The following FANK1 variants were observed in gnomAD, a reference collection of about 807,000 sequenced individuals.
FANK1 encodes fibronectin type 3 and ankyrin repeat domains protein 1.
FANK1 carries 44 observed loss-of-function variants against 45.3 expected under a neutral mutation model. The ratio of observed to expected loss-of-function variants is 0.97; its 90% CI spans 0.76 to 1.25. FANK1 has a LOEUF of 1.25. Ranked by LOEUF, FANK1 falls within the 50% of genes most tolerant of loss-of-function variation. The pLI, the probability that FANK1 is intolerant of heterozygous loss-of-function variation, is 0.00. For missense variants in FANK1, 391 were observed against 424.4 expected (o/e 0.92, Z 0.69); for synonymous variants, 149 against 152.5 (o/e 0.98, Z 0.17).
At chr10:125,956,991 C>T (rs1047545414) in intron 1 of FANK1, among the ~76,000 whole-genome samples, 18 of 152,058 alleles carry the variant, frequency 1.2e-4, no homozygotes, top group African/African-American at 3.1e-4. Flanking sequence ...AATAGCTAGC[C>T]GGGACTACAG....
chr10:125,955,064 C>T (rs923347181), intron 1 of FANK1, among the ~76,000 whole-genome samples: 1 of 151,606 alleles, frequency 6.6e-6, no homozygotes, highest in Non-Finnish European at 1.5e-5. Flanking sequence ...TTTGCTCCAC[C>T]AAGAATATCT....
At chr10:125,956,225 T>G (rs1356461871) in intron 1 of FANK1, among the ~76,000 whole-genome samples, 579 of 105,742 alleles carry the variant, frequency 5.5e-3, no homozygotes, top group Admixed American at 5.7e-3. Context: ...GTGGTGGGGG[T>G]AAAGGGAGGA....
chr10:125,936,202 C>G (rs1169544344), intron 1 of FANK1, among the ~76,000 whole-genome samples: 1 of 152,184 alleles, frequency 6.6e-6, no homozygotes, highest in Non-Finnish European at 1.5e-5. Context: ...TAGCTTGACA[C>G]TTTTGAATCT....
intron 2 of FANK1, among the ~76,000 whole-genome samples, chr10:125,984,671 G>C (rs1295805163): frequency 2.0e-5 from 3 of 152,182 alleles, no homozygotes; most frequent in African/African-American, 7.2e-5. Flanking sequence ...TTGGAATTCT[G>C]GGGGAGGGAG....
Position 125,936,707 on chromosome 10 carries a change from A to G in FANK1, c.13+40052A>G, listed in dbSNP as rs75429234. 7.6e-3 allele frequency among the ~76,000 whole-genome samples: 1,160 copies of G among 152,326 alleles called. 4 individuals carry two copies. Among genetic ancestry groups the G allele is most frequent in the Non-Finnish European group, 0.011 (733 of 68,024 alleles). ...TCTTTCTCATTGCTGTTCCATTAAT[A>G]TAGCACCATTTATTTATTCCAGTAT... On this transcript the variant is annotated intron_variant, in intron 1 of 10. Transcript: ENST00000368693.
Position 125,980,144 on chromosome 10 carries a change from G to A in FANK1, c.14-17G>A. ...TGGAAACTGGGTCCTGAAGTTCGGTGTCATTCTTTTTTTTAGAAATCATGC... is the reference window on the plus strand; with the variant it reads ...TGGAAACTGGGTCCTGAAGTTCGGTATCATTCTTTTTTTTAGAAATCATGC... On this transcript the variant is annotated splice_polypyrimidine_tract_variant and intron_variant, in intron 1 of 10. Transcript: ENST00000368693. 1 of 1,606,450 alleles carries A rather than the reference G, an allele frequency of 6.2e-7. No homozygotes were observed. The highest frequency in any genetic ancestry group is 8.5e-7 in the Non-Finnish European group (1 of 1,177,190).
intron 1 of FANK1, among the ~76,000 whole-genome samples, chr10:125,949,820 C>T (rs35849748): frequency 0.01 from 1,487 of 148,496 alleles, 27 homozygotes; most frequent in Non-Finnish European, 0.014. Context: ...CAATCCTAAG[C>T]CAAAAGAACA....
chr10:125,939,019 C>T (rs751312342), intron 1 of FANK1, among the ~76,000 whole-genome samples: 1 of 152,148 alleles, frequency 6.6e-6, no homozygotes, highest in Non-Finnish European at 1.5e-5. Context: ...CATCACATGC[C>T]ACCTGATATG....
At chr10:125,932,582 C>T (rs995194088) in intron 1 of FANK1, among the ~76,000 whole-genome samples, 4 of 152,104 alleles carry the variant, frequency 2.6e-5, no homozygotes, top group Non-Finnish European at 5.9e-5. Flanking sequence ...GAAAAACTTG[C>T]TGAATTCTTT....
intron 1 of FANK1, among the ~76,000 whole-genome samples, chr10:125,964,750 G>A (rs1950117776): frequency 6.6e-6 from 1 of 152,186 alleles, no homozygotes; most frequent in African/African-American, 2.4e-5. Context: ...CCTAGGAGTG[G>A]AATTGCAGGA....
At chr10:125,949,535 T>C (rs546945885) in intron 1 of FANK1, among the ~76,000 whole-genome samples, 14 of 151,604 alleles carry the variant, frequency 9.2e-5, no homozygotes, top group African/African-American at 2.9e-4. Context: ...GAGAATAAAA[T>C]ACCTAGGAAT....
chr10:125,971,531 C>T (rs1950512795), intron 1 of FANK1, among the ~76,000 whole-genome samples: 1 of 151,868 alleles, frequency 6.6e-6, no homozygotes, highest in Admixed American at 6.6e-5. Flanking sequence ...TAAAAATTTC[C>T]TTGGGGTTCA....
intron 3 of FANK1, chr10:125,994,408 G>A (rs1486778221): frequency 1.0e-6 from 1 of 985,192 alleles, no homozygotes; most frequent in Non-Finnish European, 1.2e-6. Flanking sequence ...AGACCTTTGA[G>A]GTTTTTTTAG....
intron 1 of FANK1, among the ~76,000 whole-genome samples, chr10:125,951,271 A>G (rs577584446): frequency 2.0e-5 from 3 of 152,152 alleles, no homozygotes; most frequent in Admixed American, 1.3e-4. Context: ...ACCAATATGT[A>G]TATATTTTGG....
At position 126,008,499 on chromosome 10, in the gene FANK1, T is replaced by G. The variant is rs1953409103; in HGVS notation, c.798T>G (p.Asp266Glu). The G allele has an allele frequency of 6.2e-7, 1 of 1,613,746 alleles. No individual in the cohort carries two copies. The highest frequency in any genetic ancestry group is 1.1e-5 in the South Asian group (1 of 91,030). Residue 266 changes from aspartate (D) to glutamate (E), a missense_variant, in exon 8 of 11, where the codon GAT becomes GAG. Transcript: ENST00000368693. ...GNQRVASLLI[D>E]AGANVNVKDR... ...AGAGGGTGGCCTCTCTTCTAATTGA[T>G]GCTGGGGCCAATGTGAATGTGAAGG...
At chr10:126,003,069 T>A (rs1364063661) in intron 6 of FANK1, among the ~76,000 whole-genome samples, 1 of 151,506 alleles carries the variant, frequency 6.6e-6, no homozygotes, top group African/African-American at 2.4e-5. Context: ...CCATTCTCTC[T>A]CTTTATAGTC....
chr10:125,962,622 G>T (rs1324095524), intron 1 of FANK1, among the ~76,000 whole-genome samples: 1 of 151,746 alleles, frequency 6.6e-6, no homozygotes, highest in Non-Finnish European at 1.5e-5. Flanking sequence ...TTTCAATTTT[G>T]TATTTTTTAT....
intron 1 of FANK1, among the ~76,000 whole-genome samples, chr10:125,959,850 A>G (rs540544841): frequency 8.7e-4 from 132 of 152,346 alleles, no homozygotes; most frequent in Non-Finnish European, 1.2e-3. Flanking sequence ...TAAAACATAC[A>G]TGATATTCTA....
At chr10:125,942,186 A>G (rs1460593691) in intron 1 of FANK1, among the ~76,000 whole-genome samples, 1 of 152,214 alleles carries the variant, frequency 6.6e-6, no homozygotes, top group Non-Finnish European at 1.5e-5. Flanking sequence ...CTAGGAGTAA[A>G]TTTCATGGGC....
Sources: gnomAD v4.1 joint callset for allele counts (sites outside exome capture counted in the v4.1 genomes callset) on GRCh38, gnomAD v4.1.1 for gene constraint, MANE v1.5 for transcripts, NCBI Gene and HGNC (gene_info 2026-07-23, HGNC 2026-07-21) for gene names.